The following UNC5A variants were observed in gnomAD, a reference collection of about 807,000 sequenced individuals.
UNC5A encodes netrin receptor UNC5A.
In UNC5A, 20 loss-of-function variants were observed where a neutral mutation model predicts 87.4. That is an observed-to-expected ratio of 0.23 (90% CI 0.16 to 0.33). UNC5A has a LOEUF of 0.33. UNC5A is among the 10% of genes least tolerant of loss of function. The pLI, the probability that UNC5A is intolerant of heterozygous loss-of-function variation, is 1.00. For synonymous variants in UNC5A, 438 were observed against 482.3 expected (o/e 0.91, Z 1.20); for missense variants, 844 against 1,133.4 (o/e 0.74, Z 3.67).
chr5:176,828,827 G>A (rs1439080062), intron 1 of UNC5A, among the ~76,000 whole-genome samples: 1 of 151,754 alleles, frequency 6.6e-6, no homozygotes, highest in African/African-American at 2.4e-5. Flanking sequence ...GTGGATGGGT[G>A]GAGGTATGAA....
chr5:176,855,373 C>T (rs1010804834), intron 1 of UNC5A, among the ~76,000 whole-genome samples: 5 of 152,186 alleles, frequency 3.3e-5, no homozygotes, highest in South Asian at 2.1e-4. Context: ...GTCTATTGGA[C>T]GGGGCGGCCT....
At chr5:176,837,944 G>C (rs1757186076) in intron 1 of UNC5A, among the ~76,000 whole-genome samples, 1 of 152,196 alleles carries the variant, frequency 6.6e-6, no homozygotes, top group Non-Finnish European at 1.5e-5. Context: ...GAGACCTCTA[G>C]AGAATTCATT....
At chr5:176,833,616 C>T (rs1256853166) in intron 1 of UNC5A, among the ~76,000 whole-genome samples, 1 of 152,248 alleles carries the variant, frequency 6.6e-6, no homozygotes, top group East Asian at 1.9e-4. Context: ...CCAGCTTCCT[C>T]TCCCTGACAG....
At position 176,869,759 on chromosome 5, in the gene UNC5A, A is replaced by T. The variant is rs780997311; in HGVS notation, c.722-611A>T. On this transcript the variant is annotated intron_variant, in intron 5 of 14. Coordinates refer to ENST00000329542, the MANE Select transcript of UNC5A (RefSeq NM_133369.3). The surrounding 1 kb of genome is among the most constrained non-coding windows in gnomAD (Gnocchi z 9.1). ...GTGAGGGGCAGAATGTCCAGAAAACAGCCTGCGCCACCCTGTGCCCAGGTA... is the reference window on the plus strand; with the variant it reads ...GTGAGGGGCAGAATGTCCAGAAAACTGCCTGCGCCACCCTGTGCCCAGGTA... The T allele has an allele frequency of 8.1e-6, 5 of 620,946 alleles. No homozygotes were observed. Among genetic ancestry groups the T allele is most frequent in the Non-Finnish European group, 1.2e-5 (4 of 338,652 alleles). 38.5% of individuals were successfully genotyped at this position (620,946 alleles called of 1,614,324 possible).
intron 1 of UNC5A, among the ~76,000 whole-genome samples, chr5:176,856,076 G>T (rs948742817): frequency 6.6e-6 from 1 of 152,210 alleles, no homozygotes; most frequent in Non-Finnish European, 1.5e-5. Context: ...GCCGAGTGAC[G>T]CCCTGTCCCT....
chr5:176,869,629 C>T lies in UNC5A; in HGVS notation c.721+665C>T. The T allele has an allele frequency of 1.4e-6, 1 of 699,672 alleles. No individual in the cohort carries two copies. Among genetic ancestry groups the T allele is most frequent in the Non-Finnish European group, 2.6e-6 (1 of 383,582 alleles). The allele number at this position is 699,672 out of a possible 1,614,324, so 43.3% of individuals were successfully genotyped here. On this transcript the variant is annotated intron_variant, in intron 5 of 14. Transcript: ENST00000329542. The surrounding 1 kb of genome is among the most constrained non-coding windows in gnomAD (Gnocchi z 9.1). The stretch of plus-strand genomic sequence containing the variant: ...GTCCGGCCAGTGAACGGTGGGTGGT[C>T]GACGTGGACCGAGTGGTCCGTCTGC...
chr5:176,861,971 T>G (rs904962407), intron 1 of UNC5A, among the ~76,000 whole-genome samples: 1 of 152,208 alleles, frequency 6.6e-6, no homozygotes, highest in Non-Finnish European at 1.5e-5. Context: ...GCCAATTACC[T>G]GTGTAATTAG....
intron 1 of UNC5A, among the ~76,000 whole-genome samples, chr5:176,817,608 C>T (rs990817110): frequency 6.6e-6 from 1 of 150,670 alleles, no homozygotes; most frequent in Non-Finnish European, 1.5e-5. Context: ...ATGTGCCCGT[C>T]ACTGGCGGGT....
chr5:176,836,471 G>A (rs1282260692), intron 1 of UNC5A, among the ~76,000 whole-genome samples: 5 of 152,176 alleles, frequency 3.3e-5, no homozygotes, highest in South Asian at 2.1e-4. Context: ...ACAGGGGAGC[G>A]ACAGCAGCTG....
At chr5:176,877,759 C>A in intron 10 of UNC5A, 56 bp downstream of exon 10, 1 of 1,537,424 alleles carries the variant, frequency 6.5e-7, no homozygotes, top group Non-Finnish European at 8.8e-7. Flanking sequence ...CTGCACGCTC[C>A]ACCCGGCCTT....
At position 176,878,231 on chromosome 5, in the gene UNC5A, T is replaced by G; in HGVS notation, c.1870-13T>G. 6.2e-7 allele frequency: 1 copy of G among 1,609,488 alleles called. No individual in the cohort carries two copies. Among genetic ancestry groups the G allele is most frequent in the Non-Finnish European group, 8.5e-7 (1 of 1,178,916 alleles). On this transcript the variant is annotated splice_polypyrimidine_tract_variant and intron_variant, in intron 11 of 14. Transcript: ENST00000329542. Reference sequence around the variant, plus strand: ...TGGGGAGGGGCCTGGGCTGACCACCTGGGGCACTGCAGGAGGTGGTGCAGC... The same window carrying G: ...TGGGGAGGGGCCTGGGCTGACCACCGGGGGCACTGCAGGAGGTGGTGCAGC...
Position 176,878,570 on chromosome 5 carries a change from C to T in UNC5A, c.2115C>T (p.Ala705=). The T allele has an allele frequency of 1.2e-6, 2 of 1,613,148 alleles. No homozygotes were observed. Among genetic ancestry groups the T allele is most frequent in the Non-Finnish European group, 1.7e-6 (2 of 1,179,984 alleles). Residue 705 remains alanine (A), a synonymous_variant, in exon 13 of 15, where the codon GCC becomes GCT. Coordinates refer to ENST00000329542, the MANE Select transcript of UNC5A (RefSeq NM_133369.3). The stretch of plus-strand genomic sequence containing the variant: ...TCAGCCCCAGCACTAGTGACCTGGC[C>T]TGCAAGCTGTGGGTGTGGCAGGTGG... The part of the protein sequence containing the change: ...ERVSPSTSDL[A]CKLWVWQVEG...
rs563885952 is a variant in UNC5A, at chr5:176,844,796, C to T, written c.71-17828C>T. On this transcript the variant is annotated intron_variant, in intron 1 of 14. Coordinates refer to ENST00000329542, the MANE Select transcript of UNC5A (RefSeq NM_133369.3). This position sits in a 1 kb window ranked among gnomAD's most constrained non-coding sequence, Gnocchi z 4.2. ...TGGCCCAATCACTCACCCCGAGACC[C>T]CTCTCCACCCTCCAGCACTGCTTGC... Among the ~76,000 whole-genome samples, 69 of 152,336 alleles carry T rather than the reference C, an allele frequency of 4.5e-4. No individual in the cohort carries two copies. The highest frequency in any genetic ancestry group is 1.6e-3 in the African/African-American group (65 of 41,578).
chr5:176,828,926 C>T lies in UNC5A; in HGVS notation c.70+18106C>T, dbSNP rs183668748. On this transcript the variant is annotated intron_variant, in intron 1 of 14. Coordinates refer to ENST00000329542, the MANE Select transcript of UNC5A (RefSeq NM_133369.3). The stretch of plus-strand genomic sequence containing the variant: ...TGGGCGGACCACAAGGTCAAGAGTT[C>T]GAGACCAGCCTGACCAACATGGTAA... 5.9e-5 allele frequency among the ~76,000 whole-genome samples: 9 copies of T among 151,796 alleles called. No homozygotes were observed. The East Asian group carries it at 1.6e-3, about 26-fold the overall frequency.
At chr5:176,861,280 A>T (rs113827561) in intron 1 of UNC5A, among the ~76,000 whole-genome samples, 4 of 152,294 alleles carry the variant, frequency 2.6e-5, no homozygotes, top group African/African-American at 9.6e-5. Context: ...TTTCATCCTC[A>T]CAACAGCCTT....
intron 6 of UNC5A, among the ~76,000 whole-genome samples, chr5:176,873,195 G>GC (rs1203239927): frequency 3.6e-5 from 4 of 111,920 alleles, no homozygotes; most frequent in African/African-American, 6.8e-5. Context: ...GCCCACACTC[G>GC]CCCAACACCA....
intron 1 of UNC5A, among the ~76,000 whole-genome samples, chr5:176,823,868 G>A (rs114158145): frequency 6.6e-6 from 1 of 152,212 alleles, no homozygotes; most frequent in Non-Finnish European, 1.5e-5. Context: ...TCTCGAGGGG[G>A]TTGGTAGTTT....
At position 176,838,655 on chromosome 5, in the gene UNC5A, G is replaced by A. The variant is rs141516785; in HGVS notation, c.71-23969G>A. On this transcript the variant is annotated intron_variant, in intron 1 of 14. Coordinates refer to ENST00000329542, the MANE Select transcript of UNC5A (RefSeq NM_133369.3). The surrounding 1 kb of genome is among the most constrained non-coding windows in gnomAD (Gnocchi z 4.2). The stretch of plus-strand genomic sequence containing the variant: ...CTTCCCTGGTGTTGGCCATATCCTC[G>A]GCTTCCCCAGGGCATCCCCTAACAT... 6.4e-4 allele frequency among the ~76,000 whole-genome samples: 98 copies of A among 152,288 alleles called. No individual in the cohort carries two copies. The highest frequency in any genetic ancestry group is 3.4e-3 in the Middle Eastern group (1 of 294).
At chr5:176,828,912 CA>C (rs904632308) in intron 1 of UNC5A, among the ~76,000 whole-genome samples, 23 of 151,698 alleles carry the variant, frequency 1.5e-4, no homozygotes, top group African/African-American at 5.6e-4. Context: ...GGGCGGACCA[CA>C]AGGTCAAGAG....
Sources: gnomAD v4.1 joint callset for allele counts (sites outside exome capture counted in the v4.1 genomes callset) on GRCh38, gnomAD v4.1.1 for gene constraint, Gnocchi (gnomAD v3.1) non-coding constraint, MANE v1.5 for transcripts, NCBI Gene and HGNC (gene_info 2026-07-23, HGNC 2026-07-21) for gene names.